EBF3: variants seen among roughly 807,000 people sequenced by gnomAD.
The protein encoded by EBF3 is EBF transcription factor 3, also known as transcription factor COE3.
A neutral mutation model predicts 77.1 loss-of-function variants in EBF3; 18 were observed. The ratio of observed to expected loss-of-function variants is 0.23; its 90% CI spans 0.16 to 0.35. EBF3 has a LOEUF of 0.35. EBF3 is among the 10% of genes least tolerant of loss of function. The probability of loss-of-function intolerance (pLI) is 1.00; values close to 1 mark genes in which losing one functional copy is unlikely to be tolerated. For missense variants in EBF3, 558 were observed against 860.0 expected (o/e 0.65, Z 4.39); for synonymous variants, 350 against 343.5 (o/e 1.02, Z -0.21).
At chr10:129,919,395 C>A (rs1856114441) in intron 6 of EBF3, among the ~76,000 whole-genome samples, 1 of 152,066 alleles carries the variant, frequency 6.6e-6, no homozygotes, top group Admixed American at 6.5e-5. Context: ...GGGAATAAGG[C>A]TGGGGAAGGT....
Position 129,867,181 on chromosome 10 carries a change from C to T in EBF3, c.999G>A (p.Lys333=). The T allele has an allele frequency of 6.2e-7, 1 of 1,614,126 alleles. No individual in the cohort carries two copies. Among genetic ancestry groups the T allele is most frequent in the Non-Finnish European group, 8.5e-7 (1 of 1,180,028 alleles). ...GCCCAGGAGCACCTTTGCAGAACTG[C>T]TTGGATTTGTAGGAGAGGGTCACTT... ...VVEVTLSYKS[K]QFCKGAPGRF... is the part of the protein sequence containing the mutation. The change falls in exon 10 of 17, where the codon AAG becomes AAA. Residue 333 remains lysine, a synonymous_variant. Coordinates refer to ENST00000440978, the MANE Select transcript of EBF3 (RefSeq NM_001375380.1).
At chr10:129,929,969 T>C (rs551885507) in intron 6 of EBF3, among the ~76,000 whole-genome samples, 2 of 152,118 alleles carry the variant, frequency 1.3e-5, no homozygotes, top group Non-Finnish European at 2.9e-5. Flanking sequence ...CCACCCTCAA[T>C]GTGGGTGGGT....
intron 10 of EBF3, among the ~76,000 whole-genome samples, chr10:129,858,259 A>G (rs1031195353): frequency 3.3e-5 from 5 of 151,988 alleles, no homozygotes; most frequent in Non-Finnish European, 7.4e-5. Flanking sequence ...GGGTATTAAG[A>G]CTCAGTGGAC....
chr10:129,949,809 C>G (rs1228736905), intron 6 of EBF3, among the ~76,000 whole-genome samples: 1 of 152,022 alleles, frequency 6.6e-6, no homozygotes, highest in Non-Finnish European at 1.5e-5. Context: ...TTGTGGAAAC[C>G]TGGACTCAGC....
chr10:129,931,641 C>T (rs143011505), intron 6 of EBF3, among the ~76,000 whole-genome samples: 5 of 152,270 alleles, frequency 3.3e-5, no homozygotes, highest in African/African-American at 1.2e-4. Flanking sequence ...ATGCCTGACA[C>T]AGGCCAACAA....
chr10:129,850,382 C>CT (rs1473756359), intron 10 of EBF3, among the ~76,000 whole-genome samples: 1 of 152,250 alleles, frequency 6.6e-6, no homozygotes, highest in Non-Finnish European at 1.5e-5. Flanking sequence ...AATTGATATT[C>CT]TTCTTTGATG....
At chr10:129,951,309 C>A (rs1858659257) in intron 6 of EBF3, among the ~76,000 whole-genome samples, 1 of 152,236 alleles carries the variant, frequency 6.6e-6, no homozygotes, top group Admixed American at 6.5e-5. Context: ...AACACAATTA[C>A]AGGCACTGCA....
At chr10:129,860,200 C>T (rs1851519446) in intron 10 of EBF3, among the ~76,000 whole-genome samples, 1 of 152,090 alleles carries the variant, frequency 6.6e-6, no homozygotes, top group Non-Finnish European at 1.5e-5. Context: ...ACGTCCTACT[C>T]AATCAGAAAC....
chr10:129,939,218 G>A (rs1857561637), intron 6 of EBF3, among the ~76,000 whole-genome samples: 1 of 152,220 alleles, frequency 6.6e-6, no homozygotes. Flanking sequence ...TCTGGGGGCA[G>A]TGGTGTCAGT....
At chr10:129,946,653 C>T (rs941793342) in intron 6 of EBF3, among the ~76,000 whole-genome samples, 1 of 152,176 alleles carries the variant, frequency 6.6e-6, no homozygotes, top group Non-Finnish European at 1.5e-5. Flanking sequence ...ACACTGCAGA[C>T]GAGGCCATGC....
chr10:129,955,760 TATAA>T (rs1443130534), intron 6 of EBF3, among the ~76,000 whole-genome samples: 1 of 152,212 alleles, frequency 6.6e-6, no homozygotes, highest in Non-Finnish European at 1.5e-5. Context: ...TCTCACACTT[TATAA>T]ACAAGTCCTC....
intron 10 of EBF3, among the ~76,000 whole-genome samples, chr10:129,853,084 G>A (rs917367204): frequency 6.6e-6 from 1 of 152,210 alleles, no homozygotes; most frequent in African/African-American, 2.4e-5. Flanking sequence ...CTGCCCGGGA[G>A]AGCTGGAGAC....
At chr10:129,838,046 C>A in intron 16 of EBF3, 86 bp from the exon 17 acceptor site, 2 of 1,534,444 alleles carry the variant, frequency 1.3e-6, no homozygotes, top group Non-Finnish European at 9.0e-7. Context: ...CTGCCCTTCC[C>A]CCCTATTCAA....
chr10:129,896,700 C>A (rs966163106), intron 6 of EBF3, among the ~76,000 whole-genome samples: 17 of 152,356 alleles, frequency 1.1e-4, no homozygotes, highest in Admixed American at 7.2e-4. Flanking sequence ...CCTCCCGCTG[C>A]TCTCCTCCTT....
At position 129,897,248 on chromosome 10, in the gene EBF3, C is replaced by T. The variant is rs758332626; in HGVS notation, c.555-19399G>A. ...CTCTTCCTGTCCAAGTTCCTGGGGACACCTCTAGTCCACTTGGGCCCCACT... is the reference window on the plus strand; with the variant it reads ...CTCTTCCTGTCCAAGTTCCTGGGGATACCTCTAGTCCACTTGGGCCCCACT... On this transcript the variant is annotated intron_variant, in intron 6 of 16. Coordinates refer to ENST00000440978, the MANE Select transcript of EBF3 (RefSeq NM_001375380.1). The surrounding 1 kb of genome is among the most constrained non-coding windows in gnomAD (Gnocchi z 4.6). Among the ~76,000 whole-genome samples, 24 of 152,172 alleles carry T rather than the reference C, an allele frequency of 1.6e-4. No individual in the cohort carries two copies. The highest frequency in any genetic ancestry group is 3.4e-4 in the Non-Finnish European group (23 of 68,038).
At position 129,842,288 on chromosome 10, in the gene EBF3, G is replaced by T. The variant is rs969027167; in HGVS notation, c.1200C>A (p.Ile400=). 14 of 1,585,764 alleles carry T rather than the reference G, an allele frequency of 8.8e-6. No homozygotes were observed. Among genetic ancestry groups the T allele is most frequent in the Non-Finnish European group, 1.2e-5 (14 of 1,164,164 alleles). ...LYGMPHNNQE[I]ILKRAADIAE... ...CGATGTCCGCCGCTCGCTTCAAGAT[G>T]ATCTCCTGCAGCAGGAGCAAGTGGG... The change falls in exon 13 of 17, where the codon ATC becomes ATA. Residue 400 remains isoleucine (I), a synonymous_variant. Coordinates refer to ENST00000440978, the MANE Select transcript of EBF3 (RefSeq NM_001375380.1). The surrounding 1 kb of genome is among the most constrained non-coding windows in gnomAD (Gnocchi z 4.4).
intron 6 of EBF3, among the ~76,000 whole-genome samples, chr10:129,924,824 G>A (rs1001636789): frequency 3.3e-5 from 5 of 151,952 alleles, no homozygotes; most frequent in African/African-American, 9.7e-5. Flanking sequence ...GTGCCACCAC[G>A]CCTGGCTAAT....
In EBF3 at chr10:129,838,926, C is replaced by T. The variant is rs575329445; in HGVS notation, c.1872+157G>A. On this transcript the variant is annotated intron_variant, in intron 16 of 16. Coordinates refer to ENST00000440978, the MANE Select transcript of EBF3 (RefSeq NM_001375380.1). ...TTTCAGCCGGCCCGACCCCGTGTCA[C>T]GGGCAGGGCCGCGGCACCTCACCAC... is the stretch of plus-strand genomic sequence containing the variant. Among the ~76,000 whole-genome samples the T allele has an allele frequency of 5.3e-5, 8 of 152,336 alleles. No individual in the cohort carries two copies. In the South Asian group the frequency reaches 6.2e-4, roughly 12 times the overall value.
chr10:129,905,721 C>T (rs937749385), intron 6 of EBF3, among the ~76,000 whole-genome samples: 27 of 152,106 alleles, frequency 1.8e-4, no homozygotes, highest in Admixed American at 6.5e-4. Context: ...AGGACGGTGG[C>T]GGGGAAGGGA....
Sources: gnomAD v4.1 joint callset for allele counts (sites outside exome capture counted in the v4.1 genomes callset) on GRCh38, gnomAD v4.1.1 for gene constraint, Gnocchi (gnomAD v3.1) non-coding constraint, MANE v1.5 for transcripts, NCBI Gene and HGNC (gene_info 2026-07-23, HGNC 2026-07-21) for gene names.